DGKI: variants seen among roughly 807,000 people sequenced by gnomAD.
DGKI encodes the protein diacylglycerol kinase iota.
In DGKI, 55 loss-of-function variants were observed where a neutral mutation model predicts 147.5. That is an observed-to-expected ratio of 0.37 (90% CI 0.30 to 0.47). The LOEUF (loss-of-function observed/expected upper bound fraction) is 0.47, where lower values mean the gene tolerates loss of function less well. Ranked by LOEUF, DGKI falls within the 20% of genes least tolerant of loss-of-function variation. DGKI has a pLI of 1.00. For missense variants in DGKI, 1,007 were observed against 1,323.8 expected, an observed-to-expected ratio of 0.76 and a Z score of 3.71; for synonymous variants, 469 against 477.1, an observed-to-expected ratio of 0.98 and a Z score of 0.22.
chr7:137,840,228 A>T (rs1291207456), intron 1 of DGKI, among the ~76,000 whole-genome samples: 1 of 152,192 alleles, frequency 6.6e-6, no homozygotes, highest in Admixed American at 6.5e-5. Context: ...AACAAAGCAA[A>T]AGCTTAGAGT....
Position 137,504,251 on chromosome 7 carries a change from T to A in DGKI, c.2249-16562A>T, listed in dbSNP as rs114230073. ...AAGAGCTGAGAGCTCAGCATTTTTT[T>A]AAAAAGATTTAATTATGTGACATTG... On this transcript the variant is annotated intron_variant, in intron 21 of 32. Transcript: ENST00000614521. Among the ~76,000 whole-genome samples the A allele has an allele frequency of 6.0e-3, 914 of 152,318 alleles. 6 individuals are homozygous for A. Among genetic ancestry groups the A allele is most frequent in the African/African-American group, 0.021 (853 of 41,576 alleles).
chr7:137,724,549 G>C (rs1794666535), intron 1 of DGKI, among the ~76,000 whole-genome samples: 1 of 152,158 alleles, frequency 6.6e-6, no homozygotes, highest in African/African-American at 2.4e-5. Context: ...AGAGCCACTT[G>C]CTAATGGATT....
intron 3 of DGKI, among the ~76,000 whole-genome samples, chr7:137,664,954 C>T (rs1044052873): frequency 6.6e-6 from 1 of 152,066 alleles, no homozygotes; most frequent in East Asian, 1.9e-4. Flanking sequence ...GACAAACACC[C>T]AAAGGAAGTG....
At chr7:137,827,288 C>G (rs139794448) in intron 1 of DGKI, among the ~76,000 whole-genome samples, 1 of 152,256 alleles carries the variant, frequency 6.6e-6, no homozygotes, top group Non-Finnish European at 1.5e-5. Context: ...CAATGGCTCC[C>G]TATTAACTAT....
At chr7:137,403,213 C>T (rs1412993388) in intron 30 of DGKI, among the ~76,000 whole-genome samples, 2 of 152,144 alleles carry the variant, frequency 1.3e-5, no homozygotes, top group Admixed American at 1.3e-4. Flanking sequence ...CTCTTCCTCC[C>T]CGAGTCTCTT....
At chr7:137,585,393 G>A (rs577911728) in intron 13 of DGKI, 47 bp from the exon 14 acceptor site, 116 of 1,584,952 alleles carry the variant, frequency 7.3e-5, no homozygotes, top group Non-Finnish European at 9.7e-5. Flanking sequence ...GTGGAGAACA[G>A]TGAAGCCAAT....
intron 7 of DGKI, 45 bp downstream of exon 7, chr7:137,623,438 C>G: frequency 6.4e-7 from 1 of 1,562,132 alleles, no homozygotes; most frequent in East Asian, 2.2e-5. Context: ...AAGTGTATTT[C>G]GACAAAACAT....
intron 9 of DGKI, 56 bp from the exon 10 acceptor site, chr7:137,609,120 C>G (rs1788839051): frequency 7.0e-7 from 1 of 1,437,876 alleles, no homozygotes; most frequent in African/African-American, 1.5e-5. Flanking sequence ...AAAGGCAACC[C>G]CAAGGCAAGG....
chr7:137,538,922 G>T (rs563451254), intron 20 of DGKI, among the ~76,000 whole-genome samples: 1 of 152,152 alleles, frequency 6.6e-6, no homozygotes, highest in African/African-American at 2.4e-5. Flanking sequence ...TGGACTCCAG[G>T]CAGCATAAAG....
chr7:137,469,427 T>C (rs1814793746), intron 24 of DGKI, 123 bp downstream of exon 24: 8 of 906,290 alleles, frequency 8.8e-6, no homozygotes, highest in Non-Finnish European at 5.2e-6. Flanking sequence ...ATACCAGCCA[T>C]GTGGAGTCAC....
intron 6 of DGKI, among the ~76,000 whole-genome samples, chr7:137,630,845 A>G (rs1472133216): frequency 6.6e-6 from 1 of 152,204 alleles, no homozygotes; most frequent in African/African-American, 2.4e-5. Context: ...TTCTTTTATG[A>G]AAGTATTACC....
intron 20 of DGKI, among the ~76,000 whole-genome samples, chr7:137,530,871 G>A (rs771255016): frequency 2.6e-5 from 4 of 152,088 alleles, no homozygotes; most frequent in Non-Finnish European, 5.9e-5. Context: ...GTATCGAGTT[G>A]AGCCTCTGGC....
rs1554442494 is a variant in DGKI at position 137,618,145 on chromosome 7, A to AT, written c.993+1678dup. Among the ~76,000 whole-genome samples the AT allele has an allele frequency of 3.3e-4, 4 of 12,234 alleles. 1 individual carries two copies. Among genetic ancestry groups the AT allele is most frequent in the South Asian group, 3.7e-3 (1 of 270 alleles). The allele number at this position is 12,234 out of a possible 152,430, so 8.0% of individuals were successfully genotyped here. On this transcript the variant is annotated intron_variant, in intron 8 of 32. Transcript: ENST00000614521. ...TAAAATACTATATATATATATATATATATATATTTTTTTTTTTTTACTCTA... is the reference window on the plus strand; with the variant it reads ...TAAAATACTATATATATATATATATATTATATATTTTTTTTTTTTTACTCTA...
At chr7:137,416,103 G>T (rs1731969) in intron 28 of DGKI, among the ~76,000 whole-genome samples, 142,572 of 152,064 alleles carry the variant, frequency 0.94, 67,503 homozygotes, top group East Asian at 1. Context: ...GAGAAACAGA[G>T]AAAGAAAGGA....
chr7:137,531,895 C>A (rs834081), intron 20 of DGKI, among the ~76,000 whole-genome samples: 4,562 of 152,146 alleles, frequency 0.03, 200 homozygotes, highest in East Asian at 0.11. Context: ...TAGTTGCTAA[C>A]CCTCTAGTAA....
chr7:137,599,746 G>A (rs1184426730), intron 11 of DGKI, 77 bp downstream of exon 11: 4 of 1,299,764 alleles, frequency 3.1e-6, no homozygotes, highest in Non-Finnish European at 4.5e-6. Context: ...TACCTCACAA[G>A]GTAATCAGAT....
intron 23 of DGKI, among the ~76,000 whole-genome samples, chr7:137,478,802 C>A (rs549474261): frequency 3.3e-5 from 5 of 152,094 alleles, no homozygotes; most frequent in South Asian, 2.1e-4. Context: ...TTGGACCTGG[C>A]GATGTTCTCA....
At chr7:137,703,502 T>C (rs756143213) in intron 1 of DGKI, among the ~76,000 whole-genome samples, 2 of 152,216 alleles carry the variant, frequency 1.3e-5, no homozygotes, top group Non-Finnish European at 2.9e-5. Flanking sequence ...TTGTAAACCA[T>C]CTTACACATT....
intron 19 of DGKI, among the ~76,000 whole-genome samples, chr7:137,565,277 T>C (rs1818546256): frequency 2.0e-5 from 3 of 152,138 alleles, no homozygotes; most frequent in African/African-American, 4.8e-5. Context: ...GTTTTCCTTA[T>C]AATATGGTTT....
Sources: gnomAD v4.1 joint callset for allele counts (sites outside exome capture counted in the v4.1 genomes callset) on GRCh38, gnomAD v4.1.1 for gene constraint, MANE v1.5 for transcripts, NCBI Gene and HGNC (gene_info 2026-07-23, HGNC 2026-07-21) for gene names.